SORCS2: variants seen among roughly 807,000 people sequenced by gnomAD.
The protein encoded by SORCS2 is sortilin related VPS10 domain containing receptor 2.
SORCS2 carries 100 observed loss-of-function variants against 141.6 expected under a neutral mutation model. The ratio of observed to expected loss-of-function variants is 0.71; its 90% CI spans 0.60 to 0.83. SORCS2 has a LOEUF of 0.83. Ranked by LOEUF, SORCS2 falls within the 40% of genes least tolerant of loss-of-function variation. The pLI, the probability that SORCS2 is intolerant of heterozygous loss-of-function variation, is 0.00. For synonymous variants in SORCS2, 789 were observed against 676.9 expected, an observed-to-expected ratio of 1.17 and a Z score of -2.57; for missense variants, 1,646 against 1,560.2, an observed-to-expected ratio of 1.05 and a Z score of -0.93.
At chr4:7,326,680 C>T (rs1719283069) in intron 1 of SORCS2, among the ~76,000 whole-genome samples, 1 of 152,246 alleles carries the variant, frequency 6.6e-6, no homozygotes, top group Admixed American at 6.5e-5. Context: ...ACAGCCTCGC[C>T]GCCAGGGCAT....
At chr4:7,207,149 C>T (rs1382983197) in intron 1 of SORCS2, among the ~76,000 whole-genome samples, 2 of 152,218 alleles carry the variant, frequency 1.3e-5, no homozygotes, top group Admixed American at 1.3e-4. Flanking sequence ...TTTCTGAGTT[C>T]TCAGGGGGCC....
chr4:7,474,899 C>T (rs977087265), intron 2 of SORCS2, among the ~76,000 whole-genome samples: 1 of 152,154 alleles, frequency 6.6e-6, no homozygotes, highest in Non-Finnish European at 1.5e-5. Context: ...GCTGTCCCAC[C>T]TCCTGGTGGC....
intron 2 of SORCS2, among the ~76,000 whole-genome samples, chr4:7,413,435 C>T (rs1219570478): frequency 4.0e-5 from 5 of 125,086 alleles, no homozygotes; most frequent in African/African-American, 1.4e-4. Context: ...ATTCTGTCAC[C>T]CAGGCTGGAG....
intron 9 of SORCS2, among the ~76,000 whole-genome samples, chr4:7,676,853 A>G (rs112234745): frequency 0.13 from 4,071 of 31,268 alleles, 470 homozygotes; most frequent in Non-Finnish European, 0.14. Context: ...CAGCCCTGTC[A>G]TCTCCTCCTT....
chr4:7,434,893 T>G, intron 2 of SORCS2: 2 of 1,536,190 alleles, frequency 1.3e-6, no homozygotes, highest in Non-Finnish European at 1.8e-6. Flanking sequence ...GCCCAGGGAC[T>G]CTCTGGCTCC....
intron 3 of SORCS2, among the ~76,000 whole-genome samples, chr4:7,635,770 C>T (rs558965295): frequency 2.6e-5 from 4 of 152,314 alleles, no homozygotes; most frequent in South Asian, 2.1e-4. Context: ...CACACACCTT[C>T]GTCCGCATTT....
chr4:7,477,866 C>T (rs1049422851), intron 2 of SORCS2, among the ~76,000 whole-genome samples: 5 of 152,156 alleles, frequency 3.3e-5, no homozygotes, highest in African/African-American at 1.2e-4. Context: ...TTCCAGAGTC[C>T]CCGAGTAGAG....
rs1300607521 is a variant in SORCS2 at position 7,193,004 on chromosome 4, G to T, written c.358G>T (p.Ala120Ser). 7.5e-6 allele frequency: 11 copies of T among 1,465,210 alleles called. No homozygotes were observed. The highest frequency in any genetic ancestry group is 9.0e-7 in the Non-Finnish European group (1 of 1,115,650). 90.8% of individuals were successfully genotyped at this position (1,465,210 alleles called of 1,614,324 possible). A position where few individuals can be genotyped will look rare whatever the true frequency, so the allele number is the denominator to read the frequency against. ...CGCGGGCTACCGGCGCTGGGAGCGG[G>T]CGGCGCCGCTGGCCGGAGTGGCTTC... The part of the protein sequence containing the change: ...PAAGYRRWER[A>S]APLAGVASRA... Residue 120 changes from alanine (A) to serine (S), a missense_variant, in exon 1 of 27, where the codon GCG becomes TCG. Transcript: ENST00000507866. The surrounding 1 kb of genome is among the most constrained non-coding windows in gnomAD (Gnocchi z 4.8).
At chr4:7,374,096 G>A (rs1171945427) in intron 1 of SORCS2, among the ~76,000 whole-genome samples, 1 of 151,438 alleles carries the variant, frequency 6.6e-6, no homozygotes, top group Non-Finnish European at 1.5e-5. Context: ...GTGGTGCAAG[G>A]TTAGGATTGA....
At chr4:7,673,358 C>G (rs1722904659) in intron 8 of SORCS2, among the ~76,000 whole-genome samples, 1 of 152,210 alleles carries the variant, frequency 6.6e-6, no homozygotes, top group Non-Finnish European at 1.5e-5. Context: ...AGATCTGTGT[C>G]TAGAAATGTT....
At chr4:7,574,763 C>T (rs1715636936) in intron 3 of SORCS2, among the ~76,000 whole-genome samples, 1 of 152,326 alleles carries the variant, frequency 6.6e-6, no homozygotes, top group South Asian at 2.1e-4. Context: ...AGGGCGGCTC[C>T]TCTGACTGCA....
At chr4:7,484,211 G>C (rs546753192) in intron 2 of SORCS2, among the ~76,000 whole-genome samples, 1 of 152,190 alleles carries the variant, frequency 6.6e-6, no homozygotes, top group South Asian at 2.1e-4. Flanking sequence ...TCCCTGCGCC[G>C]GCAGATCGCC....
intron 4 of SORCS2, among the ~76,000 whole-genome samples, chr4:7,652,308 C>A (rs998873434): frequency 2.6e-5 from 4 of 152,308 alleles, no homozygotes; most frequent in African/African-American, 9.6e-5. Flanking sequence ...GCCCTGGCAA[C>A]TTCACCTGGC....
intron 1 of SORCS2, among the ~76,000 whole-genome samples, chr4:7,264,527 G>A (rs1293012642): frequency 6.6e-6 from 1 of 152,214 alleles, no homozygotes; most frequent in Non-Finnish European, 1.5e-5. Context: ...GGAAATCACA[G>A]GTGGGCACTC....
intron 3 of SORCS2, among the ~76,000 whole-genome samples, chr4:7,568,612 T>C (rs1715179074): frequency 6.6e-6 from 1 of 152,120 alleles, no homozygotes; most frequent in African/African-American, 2.4e-5. Flanking sequence ...GGATGTGGCA[T>C]GATCTAAGGT....
rs1724773134 is a variant in SORCS2 at position 7,697,281 on chromosome 4, T to A, written c.1668+7T>A. ...TGGTCACACCTGGCGGCAGGTAAGC[T>A]GGCTGGGAGGTGCCTGGTACCCCCC... is the stretch of plus-strand genomic sequence containing the variant. On this transcript the variant is annotated splice_region_variant and intron_variant, in intron 12 of 26. Transcript: ENST00000507866. 1 of 1,580,082 alleles carries A rather than the reference T, an allele frequency of 6.3e-7. No individual in the cohort carries two copies. Among genetic ancestry groups the A allele is most frequent in the Non-Finnish European group, 8.6e-7 (1 of 1,163,422 alleles).
chr4:7,523,242 T>G (rs1381599787), intron 2 of SORCS2, among the ~76,000 whole-genome samples: 2 of 152,056 alleles, frequency 1.3e-5, no homozygotes, highest in Non-Finnish European at 2.9e-5. Flanking sequence ...CTAAGGAAGA[T>G]GTACAGGAAT....
intron 1 of SORCS2, among the ~76,000 whole-genome samples, chr4:7,396,072 G>A (rs1724190462): frequency 6.6e-6 from 1 of 152,224 alleles, no homozygotes. Context: ...TCATTCTGCA[G>A]AGCACAAGCA....
intron 1 of SORCS2, among the ~76,000 whole-genome samples, chr4:7,311,234 A>T (rs968416597): frequency 4.6e-5 from 7 of 152,200 alleles, no homozygotes; most frequent in African/African-American, 1.7e-4. Context: ...AGATTCAGAC[A>T]TGTTGTCACA....
Sources: allele counts gnomAD v4.1 joint callset (sites outside exome capture counted in the v4.1 genomes callset), GRCh38; gene constraint gnomAD v4.1.1; non-coding constraint Gnocchi (gnomAD v3.1); transcripts MANE v1.5; gene names NCBI Gene and HGNC (gene_info 2026-07-23, HGNC 2026-07-21).